KNTC1: variants seen among roughly 807,000 people sequenced by gnomAD.
KNTC1 encodes kinetochore associated 1, also known as kinetochore-associated protein 1.
A neutral mutation model predicts 314.4 loss-of-function variants in KNTC1; 253 were observed. That is an observed-to-expected ratio of 0.80 (90% CI 0.73 to 0.89). KNTC1 has a LOEUF of 0.89. KNTC1 is among the 40% of genes least tolerant of loss of function. The pLI, the probability that KNTC1 is intolerant of heterozygous loss-of-function variation, is 0.00. For missense variants in KNTC1, 2,475 were observed against 2,572.9 expected (o/e 0.96, Z 0.82); for synonymous variants, 901 against 901.4 (o/e 1.00, Z 0.01).
intron 20 of KNTC1, 43 bp from the exon 21 acceptor site, chr12:122,568,218 A>T: frequency 3.2e-6 from 3 of 950,968 alleles, no homozygotes; most frequent in Non-Finnish European, 5.0e-6. Flanking sequence ...TATAACCTTA[A>T]TTTTTTTTAA....
At chr12:122,556,513 TCTTTCTC>T (rs1202102414) in intron 16 of KNTC1, among the ~76,000 whole-genome samples, 3 of 129,212 alleles carry the variant, frequency 2.3e-5, no homozygotes, top group Non-Finnish European at 3.2e-5. Flanking sequence ...TGAGATGGAG[TCTTTCTC>T]TGTTGTGCAG....
chr12:122,539,967 A>T (rs1052249968), intron 5 of KNTC1, among the ~76,000 whole-genome samples: 4 of 150,468 alleles, frequency 2.7e-5, no homozygotes, highest in East Asian at 2.0e-4. Flanking sequence ...TTTAATAGAG[A>T]TGGAGTTTCA....
chr12:122,609,451 T>A lies in KNTC1; in HGVS notation c.5543+21T>A, dbSNP rs903014597. On this transcript the variant is annotated intron_variant, in intron 52 of 63. Coordinates refer to ENST00000333479, the MANE Select transcript of KNTC1 (RefSeq NM_014708.6). ...CGAAGGTACTCTTTTCCTTTACTTA[T>A]ATTCACCTATATCGTGATGCAAAAT... The A allele has an allele frequency of 2.8e-6, 4 of 1,444,862 alleles. 1 individual carries two copies. In the Admixed American group the frequency reaches 6.2e-5, roughly 23 times the overall value. The allele number at this position is 1,444,862 out of a possible 1,614,324, so 89.5% of individuals were successfully genotyped here. A position where few individuals can be genotyped will look rare whatever the true frequency, so the allele number is the denominator to read the frequency against.
chr12:122,547,972 A>G lies in KNTC1; in HGVS notation c.987+3A>G, dbSNP rs1439037332. ...TGACAGCTTCAGCTAATAAGAAGGT[A>G]TTGGAAAATTTTATTTTGTGCTTGC... On this transcript the variant is annotated splice_donor_region_variant and intron_variant, in intron 12 of 63. Coordinates refer to ENST00000333479, the MANE Select transcript of KNTC1 (RefSeq NM_014708.6). The G allele has an allele frequency of 1.3e-6, 2 of 1,536,170 alleles. No homozygotes were observed. The highest frequency in any genetic ancestry group is 1.8e-6 in the Non-Finnish European group (2 of 1,142,376).
In KNTC1 at chr12:122,544,145, T is replaced by G. The variant is rs1048578777; in HGVS notation, c.559-14T>G. ...TGTATTATATATATGACGTTGTTGT[T>G]TTTAATTTTGCAGTTACAAGGACAA... On this transcript the variant is annotated splice_polypyrimidine_tract_variant and intron_variant, in intron 7 of 63. Transcript: ENST00000333479. The G allele has an allele frequency of 1.7e-6, 2 of 1,166,622 alleles. No individual in the cohort carries two copies. The highest frequency in any genetic ancestry group is 2.5e-6 in the Non-Finnish European group (2 of 804,046). 72.3% of individuals were successfully genotyped at this position (1,166,622 alleles called of 1,614,324 possible).
rs773951108 is a variant in KNTC1, at chr12:122,574,380, CGTAA to C, written c.2382+5_2382+8del. On this transcript the variant is annotated splice_donor_variant and splice_donor_region_variant and intron_variant, in intron 27 of 63. Coordinates refer to ENST00000333479, the MANE Select transcript of KNTC1 (RefSeq NM_014708.6). LOFTEE classifies it high-confidence loss of function. ...TAATAGCGTGTTTATCTGACACGGA[CGTAA>C]GTAAATAGTGACCATTTGCGTTTCC... is the stretch of plus-strand genomic sequence containing the variant. 1.9e-6 allele frequency: 3 copies of C among 1,563,314 alleles called. No individual in the cohort carries two copies. The South Asian group carries it at 3.4e-5, about 18-fold the overall frequency.
intron 5 of KNTC1, 47 bp from the exon 6 acceptor site, chr12:122,542,003 G>T (rs1356611631): frequency 6.8e-7 from 1 of 1,475,374 alleles, no homozygotes; most frequent in East Asian, 2.6e-5. Context: ...GACAGAATGA[G>T]ACTCCATCTC....
At chr12:122,623,357 A>G (rs1020630739) in intron 62 of KNTC1, among the ~76,000 whole-genome samples, 1 of 152,204 alleles carries the variant, frequency 6.6e-6, no homozygotes, top group African/African-American at 2.4e-5. Context: ...ACACTAAAGA[A>G]AGGGAAGTTC....
At chr12:122,625,829 T>G (rs1566027652) in intron 63 of KNTC1, among the ~76,000 whole-genome samples, 2 of 152,180 alleles carry the variant, frequency 1.3e-5, no homozygotes, top group Non-Finnish European at 2.9e-5. Context: ...TATTTTTTAT[T>G]TGCTGTTTTT....
chr12:122,568,255 A>T lies in KNTC1; in HGVS notation c.1605-6A>T, dbSNP rs1279324186. 7.3e-7 allele frequency: 1 copy of T among 1,360,958 alleles called. No homozygotes were observed. The highest frequency in any genetic ancestry group is 2.3e-5 in the East Asian group (1 of 43,536). The allele number at this position is 1,360,958 out of a possible 1,614,324, so 84.3% of individuals were successfully genotyped here. ...ACTGACTTTTTTCCCTTCTTTGTCT[A>T]TTCAGTGGCAGTTCTTGGATTGAAT... On this transcript the variant is annotated splice_region_variant and splice_polypyrimidine_tract_variant and intron_variant, in intron 20 of 63. Coordinates refer to ENST00000333479, the MANE Select transcript of KNTC1 (RefSeq NM_014708.6).
rs941483494 is a variant in KNTC1 at position 122,613,164 on chromosome 12, G to A, written c.5675G>A (p.Cys1892Tyr). 4.3e-6 allele frequency: 7 copies of A among 1,613,546 alleles called. No individual in the cohort carries two copies. Among genetic ancestry groups the A allele is most frequent in the Non-Finnish European group, 5.9e-6 (7 of 1,179,692 alleles). The change falls in exon 54 of 64, where the codon TGT becomes TAT. Residue 1892 changes from cysteine (C) to tyrosine (Y), a missense_variant. By Grantham distance (194) the Cys-to-Tyr change is radical. Transcript: ENST00000333479. ...TFAHRTRALQ[C>Y]LFYLADKETI... ...GCCCATAGAACTCGAGCTCTTCAGT[G>A]TCTCTTCTATTTGGCTGACAAGGAA...
At chr12:122,590,025 C>T (rs563614674) in intron 40 of KNTC1, among the ~76,000 whole-genome samples, 20 of 151,946 alleles carry the variant, frequency 1.3e-4, no homozygotes, top group Non-Finnish European at 2.9e-4. Context: ...CCCTTGTGAT[C>T]CACCCTCCTC....
intron 16 of KNTC1, among the ~76,000 whole-genome samples, chr12:122,556,846 T>C: frequency 6.6e-6 from 1 of 151,788 alleles, no homozygotes; most frequent in Non-Finnish European, 1.5e-5. Context: ...TTATTGTGTC[T>C]GACTTATCTC....
intron 29 of KNTC1, among the ~76,000 whole-genome samples, 163 bp from the exon 30 acceptor site, chr12:122,576,732 G>T (rs1965050632): frequency 6.6e-6 from 1 of 152,092 alleles, no homozygotes; most frequent in South Asian, 2.1e-4. Context: ...AAGAAGACAG[G>T]ACTGTGGAAT....
Position 122,547,963 on chromosome 12 carries a change from TA to T in KNTC1, c.983del (p.Lys328ArgfsTer3). On this transcript the variant is annotated frameshift_variant, in exon 12 of 64. Transcript: ENST00000333479. LOFTEE classifies it high-confidence loss of function. ...TAATAGCTCTGACAGCTTCAGCTAA[TA>T]AGAAGGTATTGGAAAATTTTATTTT... ...KLIALTASANKKMKNLMVYSL... is the reference protein window; with the variant it reads ...KLIALTASANXKMKNLMVYSL... The T allele has an allele frequency of 6.5e-7, 1 of 1,547,338 alleles. No homozygotes were observed. The highest frequency in any genetic ancestry group is 2.2e-5 in the Admixed American group (1 of 45,940).
chr12:122,612,317 C>T (rs1226396410), intron 53 of KNTC1, among the ~76,000 whole-genome samples: 3 of 151,838 alleles, frequency 2.0e-5, no homozygotes, highest in Non-Finnish European at 2.9e-5. Context: ...CCACCCACCT[C>T]GGGCTCCCAA....
chr12:122,544,043 C>CT (rs1348095265), intron 7 of KNTC1, 116 bp from the exon 8 acceptor site: 3 of 475,482 alleles, frequency 6.3e-6, no homozygotes, highest in African/African-American at 2.2e-5. Flanking sequence ...GAGCAAAACT[C>CT]TGTCTCCAAA....
At chr12:122,618,647 G>A (rs1447985495) in intron 59 of KNTC1, 102 bp downstream of exon 59, 7 of 887,724 alleles carry the variant, frequency 7.9e-6, no homozygotes, top group Non-Finnish European at 1.1e-5. Flanking sequence ...TTGTTAGGAA[G>A]TTAAGCATAA....
intron 20 of KNTC1, among the ~76,000 whole-genome samples, chr12:122,564,135 G>A (rs1317006096): frequency 1.3e-5 from 2 of 151,896 alleles, no homozygotes; most frequent in African/African-American, 4.8e-5. Flanking sequence ...CCGCCACCAC[G>A]CCTGGCTAAT....
Sources: gnomAD v4.1 joint callset for allele counts (sites outside exome capture counted in the v4.1 genomes callset) on GRCh38, gnomAD v4.1.1 for gene constraint, MANE v1.5 for transcripts, NCBI Gene and HGNC (gene_info 2026-07-23, HGNC 2026-07-21) for gene names.